Variants in KLHL13 observed in about 807,000 individuals in gnomAD.
KLHL13 encodes the protein kelch like family member 13.
KLHL13 carries 10 observed loss-of-function variants against 37.1 expected under a neutral mutation model. The observed-to-expected ratio is 0.27, with a 90% CI of 0.17 to 0.46. KLHL13 has a LOEUF of 0.46. Among genes scored for constraint, KLHL13 ranks in the 20% least tolerant of loss-of-function variants. KLHL13 has a pLI of 1.00. For synonymous variants in KLHL13, 163 were observed against 181.2 expected, an observed-to-expected ratio of 0.90 and a Z score of 0.81; for missense variants, 360 against 509.3, an observed-to-expected ratio of 0.71 and a Z score of 2.82.
At chrX:117,926,716 A>G (rs144040781) in intron 2 of KLHL13, among the ~76,000 whole-genome samples, 153 of 108,478 alleles carry the variant, frequency 1.4e-3, no homozygotes, top group African/African-American at 4.8e-3. Flanking sequence ...TGAATTAAGA[A>G]AGAAAATCAG....
chrX:117,929,978 A>G (rs1439679157), intron 2 of KLHL13, among the ~76,000 whole-genome samples: 1 of 107,911 alleles, frequency 9.3e-6, no homozygotes, highest in East Asian at 2.9e-4. Flanking sequence ...AAATTAGAAA[A>G]TTAAAATAAA....
chrX:117,936,572 C>T (rs144441355), intron 2 of KLHL13, among the ~76,000 whole-genome samples: 1 of 111,469 alleles, frequency 9.0e-6, no homozygotes, highest in East Asian at 2.8e-4. Context: ...AAATAAGTGG[C>T]CTCATCCATC....
At chrX:118,067,976 T>C (rs1372988591) in intron 1 of KLHL13, among the ~76,000 whole-genome samples, 3 of 112,028 alleles carry the variant, frequency 2.7e-5, no homozygotes, top group Non-Finnish European at 5.6e-5. Flanking sequence ...TATACCTTTA[T>C]ACCACTAGAA....
intron 1 of KLHL13, among the ~76,000 whole-genome samples, chrX:118,039,517 G>A (rs1200814816): frequency 9.0e-6 from 1 of 111,529 alleles, no homozygotes; most frequent in African/African-American, 3.3e-5. Flanking sequence ...AAAGGAGGGG[G>A]AAAAGTGGGG....
At chrX:117,966,065 T>C (rs376830373) in intron 1 of KLHL13, among the ~76,000 whole-genome samples, 1 of 109,833 alleles carries the variant, frequency 9.1e-6, no homozygotes, top group African/African-American at 3.3e-5. Context: ...GGCAATCAGG[T>C]AGGAGAAGGA....
intron 1 of KLHL13, among the ~76,000 whole-genome samples, chrX:117,991,137 T>TAAAAAAAAAAAAAAAA (rs750755409): frequency 4.8e-5 from 4 of 83,883 alleles, no homozygotes; most frequent in African/African-American, 3.0e-4. Context: ...CATTAAAAAG[T>TAAAAAAAAAAAAAAAA]AAAAAAAAAA....
At chrX:117,928,167 G>T (rs1254103887) in intron 2 of KLHL13, among the ~76,000 whole-genome samples, 2 of 111,813 alleles carry the variant, frequency 1.8e-5, no homozygotes, top group Non-Finnish European at 3.8e-5. Flanking sequence ...ATGTCTGTGT[G>T]TTTAATAGCA....
intron 4 of KLHL13, among the ~76,000 whole-genome samples, chrX:117,911,631 T>A (rs1287548414): frequency 9.0e-6 from 1 of 111,611 alleles, no homozygotes; most frequent in Non-Finnish European, 1.9e-5. Flanking sequence ...CTCCCACTTA[T>A]GAGTGAGAAC....
chrX:118,019,031 A>T (rs2054163609), intron 1 of KLHL13, among the ~76,000 whole-genome samples: 1 of 111,046 alleles, frequency 9.0e-6, no homozygotes, highest in South Asian at 3.8e-4. Context: ...TATATCCATC[A>T]CCTTCCAGAG....
chrX:118,089,624 A>G (rs370384139), intron 1 of KLHL13, among the ~76,000 whole-genome samples: 44 of 65,937 alleles, frequency 6.7e-4, no homozygotes, highest in East Asian at 1.2e-3. Flanking sequence ...AAGAAAGAGA[A>G]AGAAAGAAAG....
intron 1 of KLHL13, among the ~76,000 whole-genome samples, chrX:117,965,767 C>T (rs1280273405): frequency 1.8e-5 from 2 of 111,659 alleles, no homozygotes; most frequent in Non-Finnish European, 1.9e-5. Flanking sequence ...AATCAATAAA[C>T]ATAATCCAGC....
At chrX:118,081,536 G>T (rs1262578919) in intron 1 of KLHL13, among the ~76,000 whole-genome samples, 2 of 111,866 alleles carry the variant, frequency 1.8e-5, no homozygotes, top group Non-Finnish European at 3.8e-5. Flanking sequence ...AATGTGCAGT[G>T]TTCAAATCTG....
intron 1 of KLHL13, among the ~76,000 whole-genome samples, chrX:117,969,108 G>A (rs1475200831): frequency 8.9e-6 from 1 of 111,832 alleles, no homozygotes; most frequent in African/African-American, 3.2e-5. Flanking sequence ...TTGTCTTTTA[G>A]ATTGAGAAAG....
At chrX:117,956,876 T>C (rs530387937) in intron 1 of KLHL13, among the ~76,000 whole-genome samples, 2 of 112,323 alleles carry the variant, frequency 1.8e-5, no homozygotes, top group African/African-American at 6.5e-5. Flanking sequence ...TCCAATCTTT[T>C]CATATGTCAA....
At chrX:117,997,567 G>A (rs747738439) in intron 1 of KLHL13, among the ~76,000 whole-genome samples, 15 of 112,140 alleles carry the variant, frequency 1.3e-4, no homozygotes, top group Non-Finnish European at 2.8e-4. Flanking sequence ...ATATAAGGAT[G>A]AATGTAAAGA....
chrX:117,996,634 T>A (rs1365679928), intron 1 of KLHL13, among the ~76,000 whole-genome samples: 1 of 111,267 alleles, frequency 9.0e-6, no homozygotes, highest in Admixed American at 9.6e-5. Context: ...TGAGGTGTTT[T>A]TACCTGCATA....
At chrX:118,061,633 A>G (rs1007318901) in intron 1 of KLHL13, among the ~76,000 whole-genome samples, 1 of 111,746 alleles carries the variant, frequency 8.9e-6, no homozygotes, top group Non-Finnish European at 1.9e-5. Context: ...TTCTAATTAT[A>G]TATTTGTTGA....
intron 1 of KLHL13, among the ~76,000 whole-genome samples, chrX:118,095,927 C>A (rs1295524872): frequency 3.6e-5 from 4 of 112,145 alleles, no homozygotes; most frequent in Non-Finnish European, 7.5e-5. Flanking sequence ...ACATTCAAAG[C>A]AGTGTGTAGA....
At chrX:118,104,384 T>G (rs1602728140) in intron 1 of KLHL13, among the ~76,000 whole-genome samples, 1 of 111,554 alleles carries the variant, frequency 9.0e-6, no homozygotes, top group East Asian at 2.8e-4. Flanking sequence ...CACATAAAAT[T>G]TCTCAGAAAT....
Sources: gnomAD v4.1 joint callset for allele counts (sites outside exome capture counted in the v4.1 genomes callset) on GRCh38, gnomAD v4.1.1 for gene constraint, MANE v1.5 for transcripts, NCBI Gene and HGNC (gene_info 2026-07-23, HGNC 2026-07-21) for gene names.